The following GNAL variants were observed in gnomAD, a reference collection of about 807,000 sequenced individuals.
GNAL encodes the protein G protein subunit alpha L, also known as guanine nucleotide-binding protein G(olf) subunit alpha.
In GNAL, 18 loss-of-function variants were observed where a neutral mutation model predicts 55.1. The ratio of observed to expected loss-of-function variants is 0.33; its 90% CI spans 0.23 to 0.48. The LOEUF (loss-of-function observed/expected upper bound fraction) is 0.48, where lower values mean the gene tolerates loss of function less well. GNAL is among the 20% of genes least tolerant of loss of function. The pLI, the probability that GNAL is intolerant of heterozygous loss-of-function variation, is 0.99. For missense variants in GNAL, 412 were observed against 614.1 expected (o/e 0.67, Z 3.48); for synonymous variants, 253 against 237.0 (o/e 1.07, Z -0.62).
chr18:11,840,930 G>A (rs1201258804), intron 5 of GNAL, among the ~76,000 whole-genome samples: 1 of 147,808 alleles, frequency 6.8e-6, no homozygotes, highest in Non-Finnish European at 1.5e-5. Context: ...ACTGGAGTCA[G>A]TGCTACGATC....
At chr18:11,778,540 G>A (rs1343457756) in intron 4 of GNAL, among the ~76,000 whole-genome samples, 4 of 152,072 alleles carry the variant, frequency 2.6e-5, no homozygotes, top group East Asian at 1.9e-4. Context: ...TATTAGTGAC[G>A]AAACCTTGGG....
chr18:11,700,885 G>A (rs1420598545), intron 1 of GNAL, among the ~76,000 whole-genome samples: 5 of 152,198 alleles, frequency 3.3e-5, no homozygotes, highest in African/African-American at 4.8e-5. Flanking sequence ...GAAAAATAAG[G>A]CGCAATGATA....
intron 1 of GNAL, among the ~76,000 whole-genome samples, chr18:11,734,142 CTTTTTCTTTTTT>C (rs2032406883): frequency 1.4e-5 from 2 of 147,292 alleles, no homozygotes; most frequent in South Asian, 2.1e-4. Flanking sequence ...TTTTCTTTTT[CTTTTTCTTTTTT>C]TTTTTTTTTT....
rs2036685147 is a variant in GNAL, at chr18:11,881,302, T to C, written c.*167T>C. 1 of 611,572 alleles carries C rather than the reference T, an allele frequency of 1.6e-6. No individual in the cohort carries two copies. Among genetic ancestry groups the C allele is most frequent in the Non-Finnish European group, 2.8e-6 (1 of 363,032 alleles). 37.9% of individuals were successfully genotyped at this position (611,572 alleles called of 1,614,324 possible). ...CTCTGTCCCCTCAGGTTTGGTTGTG[T>C]AGCTTCTGTTGTCATTGAATACGGC... is the stretch of plus-strand genomic sequence containing the variant. On this transcript the variant is annotated 3_prime_UTR_variant, in exon 12 of 12. Coordinates refer to ENST00000334049, the MANE Select transcript of GNAL (RefSeq NM_182978.4). This position sits in a 1 kb window ranked among gnomAD's most constrained non-coding sequence, Gnocchi z 4.8.
At chr18:11,793,998 G>A (rs2034310259) in intron 4 of GNAL, among the ~76,000 whole-genome samples, 1 of 151,580 alleles carries the variant, frequency 6.6e-6, no homozygotes, top group Non-Finnish European at 1.5e-5. Context: ...ATGAAAAGAT[G>A]TTCAACATCT....
intron 4 of GNAL, among the ~76,000 whole-genome samples, chr18:11,797,048 G>T (rs555884443): frequency 1.3e-5 from 2 of 152,040 alleles, no homozygotes; most frequent in Non-Finnish European, 2.9e-5. Flanking sequence ...TCTGCCACGC[G>T]GGCTCAAGCC....
intron 1 of GNAL, among the ~76,000 whole-genome samples, chr18:11,724,384 G>A (rs2032165701): frequency 6.6e-6 from 1 of 152,180 alleles, no homozygotes; most frequent in Non-Finnish European, 1.5e-5. Context: ...AACAGAAGTG[G>A]ACTTTCTCAT....
intron 5 of GNAL, among the ~76,000 whole-genome samples, chr18:11,836,457 TAATAATA>T (rs2035500355): frequency 1.3e-5 from 2 of 151,806 alleles, no homozygotes; most frequent in Admixed American, 1.3e-4. Flanking sequence ...CAAAAAATAA[TAATAATA>T]AATAATAATA....
intron 4 of GNAL, among the ~76,000 whole-genome samples, chr18:11,788,938 C>CAT (rs1359710639): frequency 4.7e-4 from 33 of 70,436 alleles, no homozygotes; most frequent in African/African-American, 1.3e-3. Flanking sequence ...TATATATATA[C>CAT]ACATATATAT....
chr18:11,836,060 T>C (rs187435359), intron 5 of GNAL, among the ~76,000 whole-genome samples: 1 of 152,200 alleles, frequency 6.6e-6, no homozygotes, highest in African/African-American at 2.4e-5. Context: ...GTTGGGAGGA[T>C]TACTTTAGCC....
intron 1 of GNAL, among the ~76,000 whole-genome samples, chr18:11,713,550 G>A (rs2031885451): frequency 6.6e-6 from 1 of 152,158 alleles, no homozygotes; most frequent in African/African-American, 2.4e-5. Flanking sequence ...GTCAATAATA[G>A]GTTGCCATCC....
intron 4 of GNAL, among the ~76,000 whole-genome samples, chr18:11,823,294 A>G (rs1404837791): frequency 6.6e-6 from 1 of 152,228 alleles, no homozygotes. Flanking sequence ...GGGAGACAAG[A>G]TGAAAACTGA....
intron 5 of GNAL, among the ~76,000 whole-genome samples, chr18:11,840,207 T>A (rs1337994582): frequency 6.6e-6 from 1 of 152,230 alleles, no homozygotes; most frequent in African/African-American, 2.4e-5. Flanking sequence ...ATGCTCGTAT[T>A]TCTCATTCTA....
chr18:11,808,973 G>A (rs536796374), intron 4 of GNAL, among the ~76,000 whole-genome samples: 1 of 152,330 alleles, frequency 6.6e-6, no homozygotes, highest in African/African-American at 2.4e-5. Context: ...ACAGAAAGGA[G>A]GGACCAGGCA....
Position 11,866,221 on chromosome 18 carries a change from G to C in GNAL, c.852-947G>C, listed in dbSNP as rs111664800. 2.1e-4 allele frequency among the ~76,000 whole-genome samples: 31 copies of C among 150,330 alleles called. 3 individuals are homozygous for C. Among genetic ancestry groups the C allele is most frequent in the African/African-American group, 5.5e-4 (22 of 39,640 alleles). The stretch of plus-strand genomic sequence containing the variant: ...TCACATCTGTGATTTTGTTTGAAAG[G>C]ATTCTGCTCATCAGCTCATCCATTT... On this transcript the variant is annotated intron_variant, in intron 7 of 11. Coordinates refer to ENST00000334049, the MANE Select transcript of GNAL (RefSeq NM_182978.4).
At chr18:11,792,045 C>T (rs376136255) in intron 4 of GNAL, among the ~76,000 whole-genome samples, 68 of 152,264 alleles carry the variant, frequency 4.5e-4, no homozygotes, top group African/African-American at 1.5e-3. Flanking sequence ...TTTTGGAGAC[C>T]TTTCCAACCT....
chr18:11,702,874 T>G (rs1465395761), intron 1 of GNAL, among the ~76,000 whole-genome samples: 1 of 151,344 alleles, frequency 6.6e-6, no homozygotes, highest in East Asian at 1.9e-4. Flanking sequence ...TCCCAACACT[T>G]TGGGAGGCTG....
At chr18:11,744,525 G>T (rs1401769009) in intron 1 of GNAL, among the ~76,000 whole-genome samples, 1 of 152,090 alleles carries the variant, frequency 6.6e-6, no homozygotes, top group Non-Finnish European at 1.5e-5. Flanking sequence ...AAAAAAAAGA[G>T]AGATAAAACA....
rs2032678069 is a variant in GNAL, at chr18:11,745,926, C to G, written c.377-6927C>G. 3 of 218,986 alleles carry G rather than the reference C, an allele frequency of 1.4e-5. No individual in the cohort carries two copies. In the South Asian group the frequency reaches 2.0e-4, roughly 14 times the overall value. The allele number at this position is 218,986 out of a possible 1,614,324, so 13.6% of individuals were successfully genotyped here. A position where few individuals can be genotyped will look rare whatever the true frequency, so the allele number is the denominator to read the frequency against. On this transcript the variant is annotated intron_variant, in intron 1 of 11. Transcript: ENST00000334049. ...TACGACAAAAGAGGGATTGAGCAAA[C>G]AGTTTGTATGTTGGATGATGTATTT...
Sources: gnomAD v4.1 joint callset for allele counts (sites outside exome capture counted in the v4.1 genomes callset) on GRCh38, gnomAD v4.1.1 for gene constraint, Gnocchi (gnomAD v3.1) non-coding constraint, MANE v1.5 for transcripts, NCBI Gene and HGNC (gene_info 2026-07-23, HGNC 2026-07-21) for gene names.